DIAPH2: variants seen among roughly 807,000 people sequenced by gnomAD.
DIAPH2 encodes diaphanous related formin 2, also known as protein diaphanous homolog 2.
In DIAPH2, 35 loss-of-function variants were observed where a neutral mutation model predicts 92.7. The observed-to-expected ratio is 0.38, with a 90% confidence interval of 0.29 to 0.50. The LOEUF is 0.50. Ranked by LOEUF, DIAPH2 falls within the 20% of genes least tolerant of loss-of-function variation. The pLI, the probability that DIAPH2 is intolerant of heterozygous loss-of-function variation, is 0.94. For synonymous variants in DIAPH2, 301 were observed against 280.4 expected, an observed-to-expected ratio of 1.07 and a Z score of -0.73; for missense variants, 701 against 819.5, an observed-to-expected ratio of 0.86 and a Z score of 1.77.
Position 96,806,663 on chromosome X carries a change from AAG to A in DIAPH2, c.447+48407_447+48408del, listed in dbSNP as rs1414852672. On this transcript the variant is annotated intron_variant, in intron 4 of 26. Transcript: ENST00000324765. ...CTCCATCTCAAAAAAAAAAAAAAAA[AAG>A]AAACAAAGAAATTATATTTCATTTG... 4.8e-3 allele frequency among the ~76,000 whole-genome samples: 502 copies of A among 104,089 alleles called. 36 individuals carry two copies. Among genetic ancestry groups the A allele is most frequent in the African/African-American group, 0.017 (485 of 27,912 alleles). The allele number at this position is 104,089 out of a possible 115,157, so 90.4% of individuals were successfully genotyped here.
At chrX:97,338,716 A>C (rs1432035618) in intron 23 of DIAPH2, among the ~76,000 whole-genome samples, 1 of 112,404 alleles carries the variant, frequency 8.9e-6, no homozygotes, top group East Asian at 2.8e-4. Context: ...AAATTGTAGC[A>C]ACTGATTTGA....
At chrX:96,965,927 T>A (rs911770839) in intron 17 of DIAPH2, among the ~76,000 whole-genome samples, 1 of 111,430 alleles carries the variant, frequency 9.0e-6, no homozygotes, top group African/African-American at 3.3e-5. Flanking sequence ...ATAGTTTAGT[T>A]GAGGATATTA....
intron 23 of DIAPH2, among the ~76,000 whole-genome samples, chrX:97,300,839 G>C (rs1439660249): frequency 4.1e-5 from 4 of 98,518 alleles, no homozygotes; most frequent in Non-Finnish European, 6.1e-5. Context: ...GGCTGAGGCA[G>C]GAGAATGGCG....
At chrX:97,554,089 C>T (rs760958359) in intron 26 of DIAPH2, among the ~76,000 whole-genome samples, 1 of 111,609 alleles carries the variant, frequency 9.0e-6, no homozygotes, top group South Asian at 3.8e-4. Flanking sequence ...CCGTTTGGTA[C>T]ACTACAACAG....
rs1172735135 is a variant in DIAPH2 at position 97,581,058 on chromosome X, C to T, written c.3242-18195C>T. ...TATTGCGTCTATTTGATTCTTCTCT[C>T]TTTTTTTCTTTATTAGTCTTGCTAG... On this transcript the variant is annotated intron_variant, in intron 26 of 26. Transcript: ENST00000324765. Among the ~76,000 whole-genome samples, 9 of 103,157 alleles carry T rather than the reference C, an allele frequency of 8.7e-5. No individual in the cohort carries two copies. The Admixed American group carries it at 9.7e-4, about 11-fold the overall frequency. The allele number at this position is 103,157 out of a possible 115,157, so 89.6% of individuals were successfully genotyped here. A position where few individuals can be genotyped will look rare whatever the true frequency, so the allele number is the denominator to read the frequency against.
At chrX:97,225,264 A>G (rs944500025) in intron 22 of DIAPH2, among the ~76,000 whole-genome samples, 6 of 111,468 alleles carry the variant, frequency 5.4e-5, no homozygotes, top group Non-Finnish European at 1.1e-4. Flanking sequence ...GCCTTCTCTA[A>G]TTAGATTTCT....
chrX:97,015,861 T>G, intron 17 of DIAPH2, among the ~76,000 whole-genome samples: 1 of 109,459 alleles, frequency 9.1e-6, no homozygotes, highest in East Asian at 2.8e-4. Flanking sequence ...TTAATAGCTG[T>G]ATCTGGAGTA....
intron 4 of DIAPH2, among the ~76,000 whole-genome samples, chrX:96,811,058 G>C (rs913898064): frequency 2.5e-4 from 28 of 111,906 alleles, no homozygotes; most frequent in African/African-American, 8.8e-4. Context: ...TGTGAAAAAA[G>C]TCATTGGTAG....
intron 26 of DIAPH2, among the ~76,000 whole-genome samples, chrX:97,520,396 A>G (rs1186840931): frequency 8.9e-6 from 1 of 112,481 alleles, no homozygotes. Flanking sequence ...TGTGTTCCAC[A>G]TCTAGTTAGT....
intron 24 of DIAPH2, among the ~76,000 whole-genome samples, chrX:97,372,142 G>A (rs2069453255): frequency 8.9e-6 from 1 of 112,244 alleles, no homozygotes; most frequent in South Asian, 3.7e-4. Context: ...AATGGACTGT[G>A]ACGGGAGAGA....
intron 26 of DIAPH2, among the ~76,000 whole-genome samples, chrX:97,496,078 C>G (rs2070755499): frequency 9.1e-6 from 1 of 109,655 alleles, no homozygotes; most frequent in East Asian, 2.8e-4. Context: ...AGAAACTATC[C>G]CAGAAAGTTA....
intron 23 of DIAPH2, among the ~76,000 whole-genome samples, chrX:97,308,585 C>G (rs1406638777): frequency 9.4e-6 from 1 of 106,728 alleles, no homozygotes; most frequent in East Asian, 3.0e-4. Context: ...GAGTTCCAGA[C>G]CAGCCTGACC....
chrX:97,575,236 G>A (rs1211939332), intron 26 of DIAPH2, among the ~76,000 whole-genome samples: 4 of 112,821 alleles, frequency 3.5e-5, no homozygotes, highest in South Asian at 3.7e-4. Context: ...GCTGTGCCAC[G>A]CTCCCTGTGA....
intron 23 of DIAPH2, among the ~76,000 whole-genome samples, chrX:97,275,609 C>T (rs1335073215): frequency 2.5e-4 from 27 of 107,316 alleles, no homozygotes; most frequent in Non-Finnish European, 5.0e-4. Context: ...GACGGGGCGG[C>T]CGGGCGGAGG....
intron 21 of DIAPH2, among the ~76,000 whole-genome samples, chrX:97,119,867 C>G (rs1199753981): frequency 8.9e-6 from 1 of 111,811 alleles, no homozygotes; most frequent in African/African-American, 3.3e-5. Flanking sequence ...CCCACGCAAT[C>G]CAAAGGGCTG....
chrX:97,317,568 G>A (rs982942534), intron 23 of DIAPH2, among the ~76,000 whole-genome samples: 12 of 111,919 alleles, frequency 1.1e-4, no homozygotes, highest in Admixed American at 4.8e-4. Context: ...CAGTGTTAAC[G>A]CCAAACCATG....
At chrX:97,580,951 T>C (rs1423956693) in intron 26 of DIAPH2, among the ~76,000 whole-genome samples, 1 of 89,832 alleles carries the variant, frequency 1.1e-5, no homozygotes, top group African/African-American at 4.0e-5. Context: ...TCTAGTTTAT[T>C]TGCGTAGAGG....
intron 4 of DIAPH2, 86 bp from the exon 5 acceptor site, chrX:96,881,493 T>C (rs1167411725): frequency 1.6e-5 from 13 of 823,332 alleles, no homozygotes; most frequent in Non-Finnish European, 2.0e-5. Flanking sequence ...CACATTTTTA[T>C]ATAACAAAAT....
chrX:96,751,248 T>TA (rs1049238343), intron 3 of DIAPH2, among the ~76,000 whole-genome samples: 2 of 110,915 alleles, frequency 1.8e-5, no homozygotes, highest in East Asian at 2.8e-4. Context: ...ATGAGAAGCA[T>TA]AAAAAAATGG....
Sources: gnomAD v4.1 joint callset for allele counts (sites outside exome capture counted in the v4.1 genomes callset) on GRCh38, gnomAD v4.1.1 for gene constraint, MANE v1.5 for transcripts, NCBI Gene and HGNC (gene_info 2026-07-23, HGNC 2026-07-21) for gene names.